DYSF: variants seen among roughly 807,000 people sequenced by gnomAD.
DYSF encodes dystrophy-associated fer-1-like 1.
A neutral mutation model predicts 274.9 loss-of-function variants in DYSF; 212 were observed. The ratio of observed to expected loss-of-function variants is 0.77; its 90% CI spans 0.69 to 0.86. DYSF has a LOEUF of 0.86. Ranked by LOEUF, DYSF falls within the 40% of genes least tolerant of loss-of-function variation. The pLI, the probability that DYSF is intolerant of heterozygous loss-of-function variation, is 0.00. For synonymous variants in DYSF, 1,091 were observed against 1,078.7 expected (o/e 1.01, Z -0.22); for missense variants, 2,666 against 2,783.2 (o/e 0.96, Z 0.95).
chr2:71,637,464 G>A (rs2094422443), intron 41 of DYSF, among the ~76,000 whole-genome samples: 1 of 152,172 alleles, frequency 6.6e-6, no homozygotes, highest in Admixed American at 6.5e-5. Flanking sequence ...TGAGCATGAG[G>A]CCAGGGAGGA....
intron 27 of DYSF, 131 bp downstream of exon 27, chr2:71,570,065 A>G (rs897518158): frequency 1.8e-6 from 2 of 1,102,432 alleles, no homozygotes; most frequent in Admixed American, 1.9e-5. Context: ...TTTGATTTCC[A>G]AAGGGAAAGT....
intron 43 of DYSF, among the ~76,000 whole-genome samples, chr2:71,656,810 C>G (rs2094782261): frequency 6.6e-6 from 1 of 152,146 alleles, no homozygotes; most frequent in South Asian, 2.1e-4. Flanking sequence ...GACTGGCCCC[C>G]ATGATTCAGT....
rs1382463044 is a variant in DYSF, at chr2:71,665,249, G to A, written c.5262G>A (p.Val1754=). The change falls in exon 47 of 56, where the codon GTG becomes GTA. Residue 1754 remains valine (V), a synonymous_variant. Transcript: ENST00000410020. ...FCQQHRVKAP[V]YRTDRVMFQD... ...AGCAGCATAGAGTCAAGGCACCTGTGTACCGGACAGACCGTGTAATGTTTC... is the reference window on the plus strand; with the variant it reads ...AGCAGCATAGAGTCAAGGCACCTGTATACCGGACAGACCGTGTAATGTTTC... 1 of 1,614,184 alleles carries A rather than the reference G, an allele frequency of 6.2e-7. No homozygotes were observed. The highest frequency in any genetic ancestry group is 8.5e-7 in the Non-Finnish European group (1 of 1,180,040).
intron 40 of DYSF, 125 bp downstream of exon 40, chr2:71,613,535 G>A (rs1574355885): frequency 1.1e-6 from 1 of 895,624 alleles, no homozygotes; most frequent in Non-Finnish European, 1.8e-6. Context: ...TCTGGGCTCT[G>A]CGGTTGGACA....
intron 12 of DYSF, among the ~76,000 whole-genome samples, chr2:71,524,609 G>A (rs1485944852): frequency 6.6e-6 from 1 of 152,174 alleles, no homozygotes; most frequent in Non-Finnish European, 1.5e-5. Flanking sequence ...ACTGTCCAAG[G>A]AGTTGGCTGC....
chr2:71,535,126 C>T, intron 15 of DYSF, 37 bp downstream of exon 15: 1 of 1,612,964 alleles, frequency 6.2e-7, no homozygotes, highest in Non-Finnish European at 8.5e-7. Context: ...AAGGAGGCCC[C>T]TGGGGCTCTG....
chr2:71,681,882 C>A (rs553618157), intron 54 of DYSF, among the ~76,000 whole-genome samples: 4 of 152,212 alleles, frequency 2.6e-5, no homozygotes, highest in Non-Finnish European at 4.4e-5. Flanking sequence ...GCTGGCAGAG[C>A]AGTGAGAGGC....
chr2:71,639,792 G>A (rs191831365), intron 41 of DYSF, among the ~76,000 whole-genome samples: 69 of 152,298 alleles, frequency 4.5e-4, no homozygotes, highest in African/African-American at 1.6e-3. Context: ...CTATGGAAAC[G>A]TGCAGCCAGT....
At chr2:71,521,618 T>C (rs774318400) in intron 12 of DYSF, among the ~76,000 whole-genome samples, 1 of 152,108 alleles carries the variant, frequency 6.6e-6, no homozygotes, top group South Asian at 2.1e-4. Context: ...TGAATATGGC[T>C]GATGGCTTTG....
upstream of DYSF, among the ~76,000 whole-genome samples, chr2:71,465,124 A>G (rs561799512): frequency 5.9e-5 from 9 of 152,296 alleles, no homozygotes; most frequent in South Asian, 1.9e-3. Flanking sequence ...CTTGAGAGCA[A>G]TAACATCATG....
At chr2:71,636,258 C>T (rs180680526) in intron 41 of DYSF, among the ~76,000 whole-genome samples, 2 of 152,170 alleles carry the variant, frequency 1.3e-5, no homozygotes, top group Non-Finnish European at 2.9e-5. Flanking sequence ...TGACAAGATC[C>T]GATGTACATG....
intron 46 of DYSF, among the ~76,000 whole-genome samples, chr2:71,664,894 C>G (rs890982083): frequency 6.6e-6 from 1 of 152,204 alleles, no homozygotes; most frequent in African/African-American, 2.4e-5. Context: ...CATCTCAAGT[C>G]TTCTCTGGGT....
At chr2:71,540,584 T>C (rs1242066110) in intron 17 of DYSF, among the ~76,000 whole-genome samples, 1 of 151,898 alleles carries the variant, frequency 6.6e-6, no homozygotes, top group African/African-American at 2.4e-5. Flanking sequence ...CAAAATAGTA[T>C]TTCATTGTTG....
chr2:71,653,446 G>A (rs1439404282), intron 42 of DYSF, among the ~76,000 whole-genome samples: 3 of 152,058 alleles, frequency 2.0e-5, no homozygotes, highest in Non-Finnish European at 2.9e-5. Context: ...TTAAGAAAAT[G>A]TGGCACATAT....
chr2:71,637,687 A>G (rs192386676), intron 41 of DYSF, among the ~76,000 whole-genome samples: 1 of 152,286 alleles, frequency 6.6e-6, no homozygotes, highest in African/African-American at 2.4e-5. Context: ...GAAGAGCTGG[A>G]TTTAACCCCA....
chr2:71,658,830 T>C, intron 43 of DYSF, 48 bp from the exon 44 acceptor site: 1 of 1,612,600 alleles, frequency 6.2e-7, no homozygotes, highest in Non-Finnish European at 8.5e-7. Flanking sequence ...AGCCAAACCA[T>C]ATCAACAATG....
At chr2:71,653,354 T>C (rs1207523875) in intron 42 of DYSF, among the ~76,000 whole-genome samples, 1 of 152,260 alleles carries the variant, frequency 6.6e-6, no homozygotes, top group African/African-American at 2.4e-5. Context: ...TAAAGACACA[T>C]GCACACGTAT....
rs192746276 is a variant in DYSF at position 71,679,267 on chromosome 2, G to A, written c.6063+32G>A. ...CTACTTCCTCCAGCCCCAGTGGAGG[G>A]CATGGGGGAAGCTTCTTCCATAGAA... is the stretch of plus-strand genomic sequence containing the variant. On this transcript the variant is annotated intron_variant, in intron 53 of 55. Transcript: ENST00000410020. 1,451 of 1,601,964 alleles carry A rather than the reference G, an allele frequency of 9.1e-4. 4 individuals carry two copies. Among genetic ancestry groups the A allele is most frequent in the Admixed American group, 1.1e-3 (64 of 59,516 alleles).
chr2:71,498,419 C>A (rs1480878759), intron 3 of DYSF, among the ~76,000 whole-genome samples: 1 of 152,194 alleles, frequency 6.6e-6, no homozygotes. Context: ...TGAGTCAATT[C>A]CTGGGTGGGG....
Sources: gnomAD v4.1 joint callset for allele counts (sites outside exome capture counted in the v4.1 genomes callset) on GRCh38, gnomAD v4.1.1 for gene constraint, MANE v1.5 for transcripts, NCBI Gene and HGNC (gene_info 2026-07-23, HGNC 2026-07-21) for gene names.